Variants in PRMT9 observed in about 807,000 individuals in gnomAD.
The protein encoded by PRMT9 is protein arginine methyltransferase 9, also known as protein arginine N-methyltransferase 9.
PRMT9 carries 59 observed loss-of-function variants against 83.2 expected under a neutral mutation model. That is an observed-to-expected ratio of 0.71 (90% CI 0.57 to 0.88). The LOEUF is 0.88. Ranked by LOEUF, PRMT9 falls within the 40% of genes least tolerant of loss-of-function variation. PRMT9 has a pLI of 0.00. For missense variants in PRMT9, 947 were observed against 1,021.9 expected (o/e 0.93, Z 1.00); for synonymous variants, 333 against 353.2 (o/e 0.94, Z 0.64).
At chr4:147,656,723 G>C (rs1578899503) in intron 8 of PRMT9, among the ~76,000 whole-genome samples, 1 of 124,958 alleles carries the variant, frequency 8.0e-6, no homozygotes, top group African/African-American at 2.9e-5. Flanking sequence ...AGTGAGCTGA[G>C]ATTGCGCCAC....
chr4:147,663,009 ATTT>A (rs1177200944), intron 6 of PRMT9, among the ~76,000 whole-genome samples: 29 of 141,098 alleles, frequency 2.1e-4, no homozygotes, highest in Non-Finnish European at 2.6e-4. Flanking sequence ...ACTACTAATA[ATTT>A]TTTTTTTTTT....
chr4:147,673,977 C>CA, intron 2 of PRMT9, 103 bp from the exon 3 acceptor site: 1 of 921,352 alleles, frequency 1.1e-6, no homozygotes, highest in Non-Finnish European at 1.8e-6. Flanking sequence ...TCCATGCCAG[C>CA]ACCCCAAATC....
chr4:147,683,328 GACA>G (rs1736618637), intron 1 of PRMT9, among the ~76,000 whole-genome samples: 2 of 152,166 alleles, frequency 1.3e-5, no homozygotes, highest in South Asian at 2.1e-4. Flanking sequence ...ACTGAGAAAT[GACA>G]ACATTTGACT....
chr4:147,650,989 C>T (rs1734061998), intron 9 of PRMT9, among the ~76,000 whole-genome samples: 1 of 152,068 alleles, frequency 6.6e-6, no homozygotes, highest in Non-Finnish European at 1.5e-5. Flanking sequence ...GTAGTCCCAG[C>T]TACTCGGGAG....
In PRMT9 at chr4:147,673,810, T is replaced by G. The variant is rs376456579; in HGVS notation, c.403A>C (p.Ser135Arg). 6.2e-7 allele frequency: 1 copy of G among 1,614,208 alleles called. No individual in the cohort carries two copies. The highest frequency in any genetic ancestry group is 1.1e-5 in the South Asian group (1 of 91,086). Residue 135 changes from serine to arginine, a missense_variant, in exon 3 of 12, where the codon AGT becomes CGT. Coordinates refer to ENST00000322396, the MANE Select transcript of PRMT9 (RefSeq NM_138364.4). ...CGATAAAAATTCTCCTTTGCATCAC[T>G]GAAATCAGGGTTTAGCTTCACTGCT... The part of the protein sequence containing the change: ...HKAVKLNPDF[S>R]DAKENFYRVA...
chr4:147,668,490 A>G (rs748418225), intron 6 of PRMT9, 49 bp downstream of exon 6: 80 of 1,105,028 alleles, frequency 7.2e-5, no homozygotes, highest in African/African-American at 9.2e-5. Flanking sequence ...AAATTACCCA[A>G]TCTTGGGAGG....
chr4:147,652,660 A>G lies in PRMT9; in HGVS notation c.2045+1192T>C, dbSNP rs1358297216. On this transcript the variant is annotated intron_variant, in intron 9 of 11. Transcript: ENST00000322396. ...GCACAGTGAGAACCACCACAACCCC[A>G]CCCTATCCCCACCCCATCCCACCAG... Among the ~76,000 whole-genome samples the G allele has an allele frequency of 1.2e-3, 150 of 122,824 alleles. 1 individual carries two copies. Among genetic ancestry groups the G allele is most frequent in the African/African-American group, 4.3e-3 (139 of 31,988 alleles). 80.6% of individuals were successfully genotyped at this position (122,824 alleles called of 152,430 possible). A position where few individuals can be genotyped will look rare whatever the true frequency, so the allele number is the denominator to read the frequency against.
chr4:147,670,051 C>T (rs1407031478), intron 5 of PRMT9, among the ~76,000 whole-genome samples: 6 of 152,236 alleles, frequency 3.9e-5, no homozygotes, highest in Non-Finnish European at 8.8e-5. Context: ...ATAGTCAGTC[C>T]GTCCATAAAG....
At chr4:147,666,507 A>G (rs1735341234) in intron 6 of PRMT9, among the ~76,000 whole-genome samples, 1 of 152,152 alleles carries the variant, frequency 6.6e-6, no homozygotes, top group African/African-American at 2.4e-5. Context: ...TGTATCATAT[A>G]CTAAATCCAT....
chr4:147,648,511 A>C (rs762677065), intron 9 of PRMT9, among the ~76,000 whole-genome samples: 10 of 152,168 alleles, frequency 6.6e-5, no homozygotes, highest in Non-Finnish European at 1.5e-4. Context: ...TATCCTTTGT[A>C]ATATCCTTCA....
chr4:147,655,219 A>C (rs1734402957), intron 8 of PRMT9, among the ~76,000 whole-genome samples: 1 of 152,228 alleles, frequency 6.6e-6, no homozygotes, highest in South Asian at 2.1e-4. Context: ...GCTGGGATGC[A>C]GTGGTGTAAC....
intron 9 of PRMT9, among the ~76,000 whole-genome samples, chr4:147,652,432 C>G (rs1490032158): frequency 6.6e-6 from 1 of 150,648 alleles, no homozygotes; most frequent in South Asian, 2.1e-4. Flanking sequence ...AGCCTGGCGA[C>G]AGGGCGAGAC....
At chr4:147,668,670 A>G (rs766263444) in intron 5 of PRMT9, 25 bp from the exon 6 acceptor site, 1 of 1,248,360 alleles carries the variant, frequency 8.0e-7, no homozygotes, top group Non-Finnish European at 1.2e-6. Context: ...AATAAGAATT[A>G]TGTTATCACA....
At chr4:147,639,257 G>GGCTTTCATTAGA (rs1733222723) in intron 10 of PRMT9, 175 bp from the exon 11 acceptor site, 1 of 583,090 alleles carries the variant, frequency 1.7e-6, no homozygotes, top group East Asian at 3.1e-5. Context: ...AGCTAAGGCT[G>GGCTTTCATTAGA]GCTTTCATTA....
In PRMT9 at chr4:147,638,673, C is replaced by T. The variant is rs775275531; in HGVS notation, c.2397G>A (p.Arg799=). Residue 799 remains arginine (R), a synonymous_variant, in exon 12 of 12, where the codon AGG becomes AGA. Coordinates refer to ENST00000322396, the MANE Select transcript of PRMT9 (RefSeq NM_138364.4). Reference sequence around the variant, plus strand: ...GGGAGGCTTCACTTGAAGTATCCAACCTAATCTCTTCATCAAGGTACATAT... The same window carrying T: ...GGGAGGCTTCACTTGAAGTATCCAATCTAATCTCTTCATCAAGGTACATAT... ...WYHMYLDEEI[R]LDTSSEASHW... 37 of 1,613,584 alleles carry T rather than the reference C, an allele frequency of 2.3e-5. No individual in the cohort carries two copies. The highest frequency in any genetic ancestry group is 2.9e-5 in the Non-Finnish European group (34 of 1,179,748).
chr4:147,642,821 C>T lies in PRMT9; in HGVS notation c.2165G>A (p.Gly722Glu), dbSNP rs569498787. Residue 722 changes from glycine to glutamate, a missense_variant, in exon 10 of 12, where the codon GGA (glycine) becomes GAA (glutamate). Transcript: ENST00000322396. ...NAVQGTERTLGLNIAPFINQF... is the reference protein window; with the variant it reads ...NAVQGTERTLELNIAPFINQF... ...GTTAATAAAAGGTGCTATATTTAAT[C>T]CAAGAGTACGTTCTGTTCCTTGAAC... is the stretch of plus-strand genomic sequence containing the variant. 11 of 1,614,008 alleles carry T rather than the reference C, an allele frequency of 6.8e-6. No homozygotes were observed. The African/African-American group carries it at 8.0e-5, about 12-fold the overall frequency.
intron 6 of PRMT9, among the ~76,000 whole-genome samples, chr4:147,668,159 C>T (rs1008507857): frequency 6.6e-6 from 1 of 152,176 alleles, no homozygotes; most frequent in Admixed American, 6.5e-5. Context: ...TGGTTTGACT[C>T]TGTGTCCCCA....
rs746055218 is a variant in PRMT9 at position 147,657,856 on chromosome 4, T to A, written c.1266A>T (p.Leu422Phe). ...FVLQLDDEHS[L>F]STSPSEETCW... ...ATGTTTCCTCACTAGGACTTGTGGA[T>A]AAACTATGTTCATCATCAAGCTGGA... is the stretch of plus-strand genomic sequence containing the variant. The change falls in exon 8 of 12, where the codon TTA (leucine) becomes TTT (phenylalanine). Residue 422 changes from leucine to phenylalanine, a missense_variant. Transcript: ENST00000322396. The A allele has an allele frequency of 2.7e-5, 43 of 1,611,114 alleles. No individual in the cohort carries two copies. The highest frequency in any genetic ancestry group is 3.4e-5 in the Non-Finnish European group (40 of 1,179,588).
chr4:147,648,475 C>CAA, intron 9 of PRMT9, among the ~76,000 whole-genome samples: 1 of 152,208 alleles, frequency 6.6e-6, no homozygotes, highest in South Asian at 2.1e-4. Context: ...TTACTCTATG[C>CAA]ATCTCTTCAT....
Sources: gnomAD v4.1 joint callset for allele counts (sites outside exome capture counted in the v4.1 genomes callset) on GRCh38, gnomAD v4.1.1 for gene constraint, MANE v1.5 for transcripts, NCBI Gene and HGNC (gene_info 2026-07-23, HGNC 2026-07-21) for gene names.